The following GLYATL2 variants were observed in gnomAD, a reference collection of about 807,000 sequenced individuals.
The protein encoded by GLYATL2 is glycine-N-acyltransferase like 2, also known as glycine N-acyltransferase-like protein 2.
In GLYATL2, 25 loss-of-function variants were observed where a neutral mutation model predicts 21.4. The ratio of observed to expected loss-of-function variants is 1.17; its 90% CI spans 0.85 to 1.63. The LOEUF (loss-of-function observed/expected upper bound fraction) is 1.63. Among genes scored for constraint, GLYATL2 ranks in the 40% most tolerant of loss-of-function variants. The probability of loss-of-function intolerance (pLI) is 0.00; values close to 1 mark genes in which losing one functional copy is unlikely to be tolerated. For missense variants in GLYATL2, 361 were observed against 343.3 expected, an observed-to-expected ratio of 1.05 and a Z score of -0.41; for synonymous variants, 114 against 118.2, an observed-to-expected ratio of 0.96 and a Z score of 0.23.
chr11:58,907,313 C>T (rs187842365), upstream of GLYATL2: 1 of 456,318 alleles, frequency 2.2e-6, no homozygotes, highest in East Asian at 6.9e-5. Context: ...GAAATCTGGA[C>T]TTCCAATTGT....
Position 58,856,846 on chromosome 11 carries a change from G to T in GLYATL2, n.61-18478C>A, listed in dbSNP as rs1415486128. 1.3e-5 allele frequency among the ~76,000 whole-genome samples: 2 copies of T among 152,154 alleles called. 1 individual carries two copies. The highest frequency in any genetic ancestry group is 3.8e-4 in the East Asian group (2 of 5,198). On this transcript the variant is annotated intron_variant and non_coding_transcript_variant, in intron 1 of 4. Transcript: ENST00000533636. ...ACAAAGAAAAAGTCTGAATATATTG[G>T]GAATGACTAAAATGTAATAAAGACA... is the stretch of plus-strand genomic sequence containing the variant.
chr11:58,900,697 C>T (rs922883332), intron 1 of GLYATL2, among the ~76,000 whole-genome samples: 3 of 152,198 alleles, frequency 2.0e-5, no homozygotes, highest in East Asian at 3.8e-4. Context: ...CAACCTTGGA[C>T]TAACAGGTGT....
chr11:58,877,038 C>T (rs770986400), intron 1 of GLYATL2, among the ~76,000 whole-genome samples: 10 of 152,224 alleles, frequency 6.6e-5, no homozygotes, highest in East Asian at 1.9e-4. Context: ...TGATCTCAGA[C>T]GGCTGTGCTA....
intron 1 of GLYATL2, among the ~76,000 whole-genome samples, chr11:58,842,118 A>C (rs1164010299): frequency 1.3e-5 from 2 of 152,200 alleles, no homozygotes; most frequent in African/African-American, 4.8e-5. Flanking sequence ...AGGTGACAGA[A>C]ATTCATTGAC....
At position 58,837,053 on chromosome 11, in the gene GLYATL2, A is replaced by C. The variant is rs1433050781; in HGVS notation, c.438T>G (p.Asn146Lys). The change falls in exon 5 of 6, where the codon AAT becomes AAG. Residue 146 changes from asparagine (N) to lysine (K), a missense_variant. Asn to Lys is a moderately conservative substitution (Grantham distance 94). Transcript: ENST00000287275. ...ELPKKHKTSS[N>K]DKMELFEVDD... ...CCACTTCAAATAACTCCATCTTGTC[A>C]TTACTTGAGGTCTTGTGTTTCTTTG... 3 of 1,613,720 alleles carry C rather than the reference A, an allele frequency of 1.9e-6. No individual in the cohort carries two copies. The highest frequency in any genetic ancestry group is 4.5e-5 in the East Asian group (2 of 44,860).
intron 1 of GLYATL2, among the ~76,000 whole-genome samples, chr11:58,840,386 C>A: frequency 6.6e-6 from 1 of 151,838 alleles, no homozygotes; most frequent in Non-Finnish European, 1.5e-5. Flanking sequence ...AGATATAATA[C>A]AAAATTCATT....
chr11:58,902,766 T>A (rs1234553722), intron 1 of GLYATL2, among the ~76,000 whole-genome samples: 1 of 152,220 alleles, frequency 6.6e-6, no homozygotes, highest in Non-Finnish European at 1.5e-5. Flanking sequence ...GCCAACAAGA[T>A]GCTTTCTGCC....
At chr11:58,845,236 G>A (rs550418870), upstream of GLYATL2, among the ~76,000 whole-genome samples, 4 of 152,214 alleles carry the variant, frequency 2.6e-5, no homozygotes, top group African/African-American at 9.6e-5. Flanking sequence ...GTTATAAAAA[G>A]CTATCTAAAA....
intron 1 of GLYATL2, among the ~76,000 whole-genome samples, chr11:58,887,705 T>C (rs761311720): frequency 6.6e-6 from 1 of 152,218 alleles, no homozygotes; most frequent in Admixed American, 6.5e-5. Context: ...TGGCATTCCA[T>C]AGAGTCAATG....
intron 1 of GLYATL2, among the ~76,000 whole-genome samples, chr11:58,895,825 T>G (rs1854624758): frequency 6.6e-6 from 1 of 151,542 alleles, no homozygotes; most frequent in Non-Finnish European, 1.5e-5. Flanking sequence ...AAGGGATACC[T>G]GGAAGCCAGG....
chr11:58,869,953 A>T (rs1015956199), intron 1 of GLYATL2, among the ~76,000 whole-genome samples: 9 of 152,162 alleles, frequency 5.9e-5, no homozygotes, highest in African/African-American at 2.2e-4. Context: ...AATGAAAATA[A>T]AACAATTAGC....
chr11:58,847,351 G>A (rs1296548989), upstream of GLYATL2, among the ~76,000 whole-genome samples: 1 of 152,158 alleles, frequency 6.6e-6, no homozygotes, highest in Non-Finnish European at 1.5e-5. Flanking sequence ...TGCACCTTAG[G>A]TGCCAGCACA....
intron 1 of GLYATL2, chr11:58,878,450 A>T (rs1483274054): frequency 3.0e-6 from 1 of 329,528 alleles, no homozygotes; most frequent in Non-Finnish European, 5.0e-6. Context: ...TCCTTGAGCA[A>T]ATTTGTGATC....
intron 1 of GLYATL2, among the ~76,000 whole-genome samples, chr11:58,857,249 C>T (rs1590726735): frequency 6.6e-6 from 1 of 151,468 alleles, no homozygotes; most frequent in Non-Finnish European, 1.5e-5. Flanking sequence ...TTTAATTTGC[C>T]TTTTCTTGAT....
chr11:58,882,277 C>G (rs1418485477), intron 1 of GLYATL2, among the ~76,000 whole-genome samples: 2 of 152,210 alleles, frequency 1.3e-5, no homozygotes, highest in African/African-American at 4.8e-5. Context: ...ACCATTCTAA[C>G]TGGTGTGAGA....
At chr11:58,877,501 A>C (rs1854258434) in intron 1 of GLYATL2, among the ~76,000 whole-genome samples, 1 of 152,220 alleles carries the variant, frequency 6.6e-6, no homozygotes, top group South Asian at 2.1e-4. Context: ...AGAGCCAATG[A>C]TTGATCTTTG....
chr11:58,853,871 G>A (rs1426323651), intron 1 of GLYATL2, among the ~76,000 whole-genome samples: 1 of 152,068 alleles, frequency 6.6e-6, no homozygotes, highest in African/African-American at 2.4e-5. Flanking sequence ...GTATATTTAA[G>A]TATAGTCACC....
rs140249901 is a variant in GLYATL2 at position 58,900,722 on chromosome 11, CAT to C, written n.60+3432_60+3433del. ...CTAACAGGTGTATCTTCAGCCAACA[CAT>C]GTCCCAGCATCTCCCACGCCCATCC... On this transcript the variant is annotated intron_variant and non_coding_transcript_variant, in intron 1 of 4. Coordinates refer to the GLYATL2 transcript ENST00000533636. Among the ~76,000 whole-genome samples the C allele has an allele frequency of 5.4e-3, 817 of 152,324 alleles. 9 individuals carry two copies. The highest frequency in any genetic ancestry group is 0.019 in the African/African-American group (786 of 41,548).
At chr11:58,854,190 A>T (rs147508143) in intron 1 of GLYATL2, among the ~76,000 whole-genome samples, 2 of 152,140 alleles carry the variant, frequency 1.3e-5, no homozygotes, top group East Asian at 3.8e-4. Flanking sequence ...CACATTTTTA[A>T]TGTTCATTAA....
Sources: gnomAD v4.1 joint callset for allele counts (sites outside exome capture counted in the v4.1 genomes callset) on GRCh38, gnomAD v4.1.1 for gene constraint, MANE v1.5 for transcripts, NCBI Gene and HGNC (gene_info 2026-07-23, HGNC 2026-07-21) for gene names.